NRXN3: variants seen among roughly 807,000 people sequenced by gnomAD.
The protein encoded by NRXN3 is neurexin 3.
NRXN3 carries 32 observed loss-of-function variants against 137.6 expected under a neutral mutation model. The ratio of observed to expected loss-of-function variants is 0.23; its 90% CI spans 0.18 to 0.31. The LOEUF (loss-of-function observed/expected upper bound fraction) is 0.31. Among genes scored for constraint, NRXN3 ranks in the 10% least tolerant of loss-of-function variants. The pLI, the probability that NRXN3 is intolerant of heterozygous loss-of-function variation, is 1.00. For synonymous variants in NRXN3, 798 were observed against 784.5 expected (o/e 1.02, Z -0.29); for missense variants, 1,574 against 2,062.5 (o/e 0.76, Z 4.59).
At chr14:79,348,069 A>G (rs1206928985) in intron 15 of NRXN3, among the ~76,000 whole-genome samples, 2 of 152,086 alleles carry the variant, frequency 1.3e-5, no homozygotes, top group African/African-American at 2.4e-5. Context: ...TAATCCTTCA[A>G]ATGCCAGCAT....
chr14:78,574,399 A>G (rs1340998187), intron 4 of NRXN3, among the ~76,000 whole-genome samples: 2 of 152,226 alleles, frequency 1.3e-5, no homozygotes, highest in Admixed American at 6.5e-5. Context: ...CAGGGACTCA[A>G]TGCCAGCCAA....
intron 20 of NRXN3, among the ~76,000 whole-genome samples, chr14:79,850,426 T>C (rs1199180912): frequency 6.6e-6 from 1 of 152,092 alleles, no homozygotes; most frequent in Non-Finnish European, 1.5e-5. Context: ...GCAACTGGAG[T>C]AACTTGAGTA....
At chr14:79,139,093 G>T (rs575560835) in intron 15 of NRXN3, among the ~76,000 whole-genome samples, 3 of 152,318 alleles carry the variant, frequency 2.0e-5, no homozygotes, top group South Asian at 4.1e-4. Flanking sequence ...TGTCAGTGCT[G>T]CCTGAATTGT....
rs114750066 is a variant in NRXN3, at chr14:78,258,407, G to T, written c.709+14605G>T. On this transcript the variant is annotated intron_variant, in intron 2 of 20. Transcript: ENST00000335750. ...TAGGACCCTTGTCGGGAGATGTACA[G>T]GGGCAGGTGGGGGCAATGGTTGGCA... 5.9e-3 allele frequency among the ~76,000 whole-genome samples: 901 copies of T among 152,134 alleles called. 8 individuals are homozygous for T. Among genetic ancestry groups the T allele is most frequent in the African/African-American group, 0.02 (850 of 41,464 alleles).
chr14:79,068,672 T>C (rs2099683742), intron 15 of NRXN3, among the ~76,000 whole-genome samples: 1 of 152,112 alleles, frequency 6.6e-6, no homozygotes, highest in Admixed American at 6.6e-5. Context: ...ATTTATGTTA[T>C]AGTTGTGGTT....
At chr14:79,632,497 T>A (rs1159313050) in intron 16 of NRXN3, 1 of 150,568 alleles carries the variant, frequency 6.6e-6, no homozygotes, top group African/African-American at 2.5e-5. Context: ...AAGGCCAGAG[T>A]ACCCAGAGCA....
intron 4 of NRXN3, among the ~76,000 whole-genome samples, chr14:78,384,943 A>AACTTTATTTTCTT (rs1184048756): frequency 7.2e-5 from 11 of 152,216 alleles, no homozygotes; most frequent in African/African-American, 2.6e-4. Flanking sequence ...AATTTGATTA[A>AACTTTATTTTCTT]ACTTTATTTT....
intron 16 of NRXN3, among the ~76,000 whole-genome samples, chr14:79,642,507 T>C (rs1209158408): frequency 7.4e-6 from 1 of 135,684 alleles, no homozygotes; most frequent in African/African-American, 2.5e-5. Context: ...CACATTCATA[T>C]GCAATATGAA....
chr14:79,643,183 T>A (rs77282602), intron 16 of NRXN3, among the ~76,000 whole-genome samples: 2 of 136,232 alleles, frequency 1.5e-5, no homozygotes, highest in Non-Finnish European at 3.4e-5. Flanking sequence ...CCCAACTCAC[T>A]AAATCTCCTC....
At chr14:78,424,342 C>G (rs1054989412) in intron 4 of NRXN3, among the ~76,000 whole-genome samples, 7 of 152,176 alleles carry the variant, frequency 4.6e-5, no homozygotes, top group Admixed American at 2.0e-4. Flanking sequence ...TGGGCCTTCC[C>G]CTTGATGTCT....
At chr14:78,255,169 GAAA>G (rs35233538) in intron 2 of NRXN3, among the ~76,000 whole-genome samples, 4 of 86,096 alleles carry the variant, frequency 4.6e-5, no homozygotes, top group Admixed American at 1.4e-4. Context: ...CACAGCAGCA[GAAA>G]AAAAAAAAAA....
intron 4 of NRXN3, among the ~76,000 whole-genome samples, chr14:78,348,472 A>G (rs1156309073): frequency 6.6e-6 from 1 of 152,212 alleles, no homozygotes; most frequent in Non-Finnish European, 1.5e-5. Context: ...CATGAAGTTC[A>G]CTGCTCATCT....
At chr14:79,806,720 T>G (rs970969612) in intron 20 of NRXN3, among the ~76,000 whole-genome samples, 1 of 114,038 alleles carries the variant, frequency 8.8e-6, no homozygotes, top group Non-Finnish European at 1.8e-5. Flanking sequence ...TCCTATTCTG[T>G]TTTTTTTTTT....
chr14:79,495,771 A>T lies in NRXN3; in HGVS notation c.3444+28369A>T, dbSNP rs551241631. On this transcript the variant is annotated intron_variant, in intron 16 of 20. Transcript: ENST00000335750. Reference sequence around the variant, plus strand: ...CCAAAATCTTTTTTATTTAGGTAATAGTATTTTTGATAAATAATTTATATA... The same window carrying T: ...CCAAAATCTTTTTTATTTAGGTAATTGTATTTTTGATAAATAATTTATATA... Among the ~76,000 whole-genome samples, 7 of 152,216 alleles carry T rather than the reference A, an allele frequency of 4.6e-5. 2 individuals carry two copies. Among genetic ancestry groups the T allele is most frequent in the African/African-American group, 1.7e-4 (7 of 41,562 alleles).
At chr14:78,679,347 TTA>T (rs2152737971) in intron 6 of NRXN3, among the ~76,000 whole-genome samples, 1 of 152,294 alleles carries the variant, frequency 6.6e-6, no homozygotes, top group South Asian at 2.1e-4. Flanking sequence ...CTTATCATTG[TTA>T]TTAGTGTGGA....
chr14:79,270,956 T>C (rs1467113906), intron 15 of NRXN3, among the ~76,000 whole-genome samples: 1 of 152,236 alleles, frequency 6.6e-6, no homozygotes, highest in African/African-American at 2.4e-5. Context: ...AATAACACTT[T>C]GTACCTTCTG....
At chr14:78,693,354 T>A (rs909152316) in intron 6 of NRXN3, among the ~76,000 whole-genome samples, 10 of 151,898 alleles carry the variant, frequency 6.6e-5, no homozygotes, top group African/African-American at 2.2e-4. Flanking sequence ...CTTAGTTGGA[T>A]TTTTTGGTAA....
At chr14:79,027,044 A>C (rs2099599767) in intron 15 of NRXN3, among the ~76,000 whole-genome samples, 1 of 146,288 alleles carries the variant, frequency 6.8e-6, no homozygotes, top group African/African-American at 2.5e-5. Context: ...CCACTACCCC[A>C]AAAAGCAGGA....
At chr14:78,404,379 G>A (rs1197825907) in intron 4 of NRXN3, among the ~76,000 whole-genome samples, 1 of 152,088 alleles carries the variant, frequency 6.6e-6, no homozygotes, top group African/African-American at 2.4e-5. Flanking sequence ...GAACTTGTGT[G>A]ATTCAGGCTT....
Sources: allele counts gnomAD v4.1 joint callset (sites outside exome capture counted in the v4.1 genomes callset), GRCh38; gene constraint gnomAD v4.1.1; transcripts MANE v1.5; gene names NCBI Gene and HGNC (gene_info 2026-07-23, HGNC 2026-07-21).